PTPRQ: variants seen among roughly 807,000 people sequenced by gnomAD.
The protein encoded by PTPRQ is protein tyrosine phosphatase receptor type Q.
A neutral mutation model predicts 246.0 loss-of-function variants in PTPRQ; 199 were observed. The ratio of observed to expected loss-of-function variants is 0.81; its 90% confidence interval spans 0.72 to 0.91. The LOEUF is 0.91. Among genes scored for constraint, PTPRQ ranks in the 40% least tolerant of loss-of-function variants. The pLI, the probability that PTPRQ is intolerant of heterozygous loss-of-function variation, is 0.00. For synonymous variants in PTPRQ, 869 were observed against 853.2 expected, an observed-to-expected ratio of 1.02 and a Z score of -0.32; for missense variants, 2,624 against 2,528.4, an observed-to-expected ratio of 1.04 and a Z score of -0.81.
chr12:80,526,648 T>C (rs1895694692), intron 17 of PTPRQ, among the ~76,000 whole-genome samples: 1 of 152,128 alleles, frequency 6.6e-6, no homozygotes, highest in Admixed American at 6.6e-5. Context: ...TTTGAAATTA[T>C]GTTCTTTGGG....
intron 8 of PTPRQ, among the ~76,000 whole-genome samples, chr12:80,481,336 A>G (rs1376178432): frequency 6.6e-6 from 1 of 152,216 alleles, no homozygotes. Flanking sequence ...CCTTCATGCT[A>G]AAAACTCTCA....
intron 25 of PTPRQ, among the ~76,000 whole-genome samples, chr12:80,585,835 A>T (rs1318983077): frequency 6.8e-6 from 1 of 146,910 alleles, no homozygotes; most frequent in Non-Finnish European, 1.5e-5. Flanking sequence ...TGCACCCACT[A>T]ACTCGTCATC....
At chr12:80,483,105 A>C (rs1463685450) in intron 8 of PTPRQ, among the ~76,000 whole-genome samples, 9 of 125,114 alleles carry the variant, frequency 7.2e-5, no homozygotes, top group Non-Finnish European at 1.3e-4. Flanking sequence ...TATTCACAAT[A>C]GCAAAGACTT....
chr12:80,562,123 G>A (rs1161609400), intron 25 of PTPRQ, among the ~76,000 whole-genome samples: 1 of 151,970 alleles, frequency 6.6e-6, no homozygotes, highest in East Asian at 1.9e-4. Context: ...TACACTGCTT[G>A]GCCATGATAT....
intron 25 of PTPRQ, among the ~76,000 whole-genome samples, chr12:80,582,703 G>C (rs910415495): frequency 6.6e-6 from 1 of 152,064 alleles, no homozygotes; most frequent in Non-Finnish European, 1.5e-5. Context: ...ATAGTAACTT[G>C]CTACAGCAGC....
rs1892527546 is a variant in PTPRQ at position 80,445,566 on chromosome 12, C to T, written c.239C>T (p.Pro80Leu). Reference sequence around the variant, plus strand: ...ATTCTTCTGTCTTGGAATACACCACCTAATCCAAATGGAAGGATTATATCT... The same window carrying T: ...ATTCTTCTGTCTTGGAATACACCACTTAATCCAAATGGAAGGATTATATCT... The part of the protein sequence containing the change: ...AGILLSWNTP[P>L]NPNGRIISYI... The change falls in exon 3 of 45, where the codon CCT becomes CTT. Residue 80 changes from proline to leucine, a missense_variant. Physicochemically the swap from Pro to Leu is moderately conservative, Grantham distance 98. Transcript: ENST00000644991. 3 of 1,549,034 alleles carry T rather than the reference C, an allele frequency of 1.9e-6. No homozygotes were observed. Among genetic ancestry groups the T allele is most frequent in the Non-Finnish European group, 2.6e-6 (3 of 1,145,178 alleles).
At chr12:80,521,680 A>T (rs192501208) in intron 17 of PTPRQ, among the ~76,000 whole-genome samples, 1 of 151,934 alleles carries the variant, frequency 6.6e-6, no homozygotes, top group Non-Finnish European at 1.5e-5. Flanking sequence ...TGTAGATATG[A>T]GGCGTTATTT....
Position 80,588,285 on chromosome 12 carries a change from A to G in PTPRQ, c.4442A>G (p.Glu1481Gly). 3.9e-6 allele frequency: 6 copies of G among 1,551,602 alleles called. No homozygotes were observed. Among genetic ancestry groups the G allele is most frequent in the Non-Finnish European group, 2.6e-6 (3 of 1,146,926 alleles). The change falls in exon 26 of 45, where the codon GAA becomes GGA. Residue 1481 changes from glutamate to glycine, a missense_variant. Transcript: ENST00000644991. Reference protein sequence around the residue: ...AQKCKEWESEECVEYQKIQYL... With the variant: ...AQKCKEWESEGCVEYQKIQYL... ...AAATGCAAAGAATGGGAATCCGAAG[A>G]ATGTGTTGAATATCAAAAAATTCAA...
chr12:80,630,819 C>T (rs911870860), intron 33 of PTPRQ, among the ~76,000 whole-genome samples: 1 of 152,282 alleles, frequency 6.6e-6, no homozygotes, highest in Non-Finnish European at 1.5e-5. Context: ...CGATTTCAAG[C>T]TATTCTCCTG....
chr12:80,546,606 C>T lies in PTPRQ; in HGVS notation c.3924C>T (p.Val1308=). 6.4e-7 allele frequency: 1 copy of T among 1,550,788 alleles called. No homozygotes were observed. Among genetic ancestry groups the T allele is most frequent in the Non-Finnish European group, 8.7e-7 (1 of 1,146,694 alleles). Residue 1308 remains valine (V), a synonymous_variant, in exon 24 of 45, where the codon GTC becomes GTT. Coordinates refer to ENST00000644991, the MANE Select transcript of PTPRQ (RefSeq NM_001145026.2). ...TEAKLVGLEP[V]STYSIRVSAF... is the part of the protein sequence containing the mutation. ...CCAAACTTGTTGGACTGGAACCAGTCAGCACCTACTCTATCCGTGTATCTG... is the reference window on the plus strand; with the variant it reads ...CCAAACTTGTTGGACTGGAACCAGTTAGCACCTACTCTATCCGTGTATCTG...
chr12:80,509,232 A>AT (rs35677653), intron 16 of PTPRQ, among the ~76,000 whole-genome samples: 3 of 152,026 alleles, frequency 2.0e-5, no homozygotes, highest in African/African-American at 7.2e-5. Context: ...GCTCAATAAA[A>AT]TTTTTTTGGA....
chr12:80,583,617 A>G (rs1897516738), intron 25 of PTPRQ: 1 of 152,156 alleles, frequency 6.6e-6, no homozygotes, highest in African/African-American at 2.4e-5. Flanking sequence ...GTAAGTAGTG[A>G]TTGCTCATTT....
intron 27 of PTPRQ, among the ~76,000 whole-genome samples, chr12:80,608,417 A>G (rs12812021): frequency 0.019 from 2,862 of 150,608 alleles, 69 homozygotes; most frequent in African/African-American, 0.054. Flanking sequence ...TGTACTGCCA[A>G]ATTTGAGGAC....
intron 4 of PTPRQ, 141 bp downstream of exon 4, chr12:80,457,785 C>A: frequency 2.5e-6 from 1 of 392,332 alleles, no homozygotes; most frequent in South Asian, 1.4e-4. Context: ...AGAGTTCTTT[C>A]GGATAGCTAA....
chr12:80,669,421 A>T lies in PTPRQ; in HGVS notation c.6410A>T (p.Asp2137Val). The T allele has an allele frequency of 6.5e-7, 1 of 1,548,552 alleles. No individual in the cohort carries two copies. Among genetic ancestry groups the T allele is most frequent in the Non-Finnish European group, 8.7e-7 (1 of 1,145,412 alleles). The change falls in exon 41 of 45, where the codon GAT becomes GTT. Residue 2137 changes from aspartate (D) to valine (V), a missense_variant. Physicochemically the swap from Asp to Val is radical, Grantham distance 152. Coordinates refer to ENST00000644991, the MANE Select transcript of PTPRQ (RefSeq NM_001145026.2). Reference sequence around the variant, plus strand: ...ATAGTGATTACAAAGCTAATGGAGGATGTTCAAATAGATTGGACTATCAGG... The same window carrying T: ...ATAGTGATTACAAAGCTAATGGAGGTTGTTCAAATAGATTGGACTATCAGG... ...GDIVITKLME[D>V]VQIDWTIRDL...
chr12:80,458,048 T>C (rs1183489486), intron 4 of PTPRQ, among the ~76,000 whole-genome samples: 1 of 152,110 alleles, frequency 6.6e-6, no homozygotes, highest in East Asian at 1.9e-4. Flanking sequence ...CTTTTTAACA[T>C]GAAGTCATAA....
intron 26 of PTPRQ, among the ~76,000 whole-genome samples, chr12:80,590,894 C>T (rs1173041809): frequency 6.6e-6 from 1 of 151,910 alleles, no homozygotes; most frequent in Non-Finnish European, 1.5e-5. Context: ...TTTGTATTCC[C>T]TGTTTCTTTT....
chr12:80,642,918 TTAAAAAA>T (rs1899924275), intron 35 of PTPRQ, among the ~76,000 whole-genome samples: 2 of 69,386 alleles, frequency 2.9e-5, no homozygotes, highest in African/African-American at 2.7e-4. Flanking sequence ...AGACTCCGTC[TTAAAAAA>T]AAAAAAAAAA....
intron 8 of PTPRQ, among the ~76,000 whole-genome samples, chr12:80,477,047 G>C (rs1343214972): frequency 6.6e-6 from 1 of 152,132 alleles, no homozygotes; most frequent in Non-Finnish European, 1.5e-5. Flanking sequence ...TTACTCCTGT[G>C]AAACTGGGAA....
Sources: allele counts gnomAD v4.1 joint callset (sites outside exome capture counted in the v4.1 genomes callset), GRCh38; gene constraint gnomAD v4.1.1; transcripts MANE v1.5; gene names NCBI Gene and HGNC (gene_info 2026-07-23, HGNC 2026-07-21).